Variants in NFIA observed in about 807,000 individuals in gnomAD.
The protein encoded by NFIA is nuclear factor 1 A-type.
A neutral mutation model predicts 62.8 loss-of-function variants in NFIA; 8 were observed. The observed-to-expected ratio is 0.13, with a 90% CI of 0.07 to 0.23. The LOEUF is 0.23. Ranked by LOEUF, NFIA falls within the 10% of genes least tolerant of loss-of-function variation. The pLI is 1.00. For synonymous variants in NFIA, 235 were observed against 238.1 expected (o/e 0.99, Z 0.12); for missense variants, 410 against 642.1 (o/e 0.64, Z 3.91).
intron 2 of NFIA, among the ~76,000 whole-genome samples, chr1:61,120,967 G>A (rs190341413): frequency 1.3e-5 from 2 of 152,286 alleles, no homozygotes; most frequent in East Asian, 3.9e-4. Flanking sequence ...GTATCTGTTA[G>A]CCATAATATC....
intron 6 of NFIA, among the ~76,000 whole-genome samples, chr1:61,375,771 A>G (rs1445967809): frequency 6.6e-6 from 1 of 152,156 alleles, no homozygotes; most frequent in Non-Finnish European, 1.5e-5. Flanking sequence ...TCCCACCTTC[A>G]GAAAGCTATC....
At position 61,316,034 on chromosome 1, in the gene NFIA, C is replaced by A. The variant is rs114061513; in HGVS notation, c.626-16478C>A. 3.4e-3 allele frequency among the ~76,000 whole-genome samples: 525 copies of A among 152,284 alleles called. 5 individuals carry two copies. The highest frequency in any genetic ancestry group is 0.012 in the African/African-American group (484 of 41,556). On this transcript the variant is annotated intron_variant, in intron 3 of 10. Transcript: ENST00000403491. Reference sequence around the variant, plus strand: ...CAGGGAGGCTTGGCCAATGTACTCTCTCGTCCACATACGGACTGATAAGCC... The same window carrying A: ...CAGGGAGGCTTGGCCAATGTACTCTATCGTCCACATACGGACTGATAAGCC...
At chr1:61,147,022 C>G (rs1388468792) in intron 2 of NFIA, among the ~76,000 whole-genome samples, 1 of 152,106 alleles carries the variant, frequency 6.6e-6, no homozygotes, top group Admixed American at 6.5e-5. Context: ...ACGGATGGCT[C>G]TTTTCAGTTG....
In NFIA at chr1:61,088,136, T is replaced by C. The variant is rs1270252200; in HGVS notation, c.28-13T>C. On this transcript the variant is annotated splice_polypyrimidine_tract_variant and intron_variant, in intron 1 of 10. Coordinates refer to ENST00000403491, the MANE Select transcript of NFIA (RefSeq NM_001134673.4). This position sits in a 1 kb window ranked among gnomAD's most constrained non-coding sequence, Gnocchi z 4.5. ...CATTCTACTTATATTTTTCTTTTTGTTCATTTTCCTAGGATGAATTTCATC... is the reference window on the plus strand; with the variant it reads ...CATTCTACTTATATTTTTCTTTTTGCTCATTTTCCTAGGATGAATTTCATC... 6.4e-7 allele frequency: 1 copy of C among 1,569,780 alleles called. No individual in the cohort carries two copies. Among genetic ancestry groups the C allele is most frequent in the Non-Finnish European group, 8.6e-7 (1 of 1,162,470 alleles).
intron 3 of NFIA, among the ~76,000 whole-genome samples, chr1:61,306,021 T>G (rs1480035718): frequency 6.7e-6 from 1 of 150,018 alleles, no homozygotes; most frequent in African/African-American, 2.4e-5. Context: ...CTAATTTTTG[T>G]TGTATTTTTT....
Position 61,438,144 on chromosome 1 carries a change from C to G in NFIA, c.1512+11588C>G, listed in dbSNP as rs1018898125. 4.6e-5 allele frequency among the ~76,000 whole-genome samples: 7 copies of G among 152,230 alleles called. No homozygotes were observed. In the Middle Eastern group the frequency reaches 0.024, roughly 518 times the overall value. Reference sequence around the variant, plus strand: ...CATAATGTAGTGGAAAAAATAGAAGCTTTGGAGGGAGACAGACCTGAGTTT... The same window carrying G: ...CATAATGTAGTGGAAAAAATAGAAGGTTTGGAGGGAGACAGACCTGAGTTT... On this transcript the variant is annotated intron_variant, in intron 10 of 10. Coordinates refer to ENST00000403491, the MANE Select transcript of NFIA (RefSeq NM_001134673.4).
rs199893913 is a variant in NFIA at position 61,410,580 on chromosome 1, GAT to G, written c.1420+3854_1420+3855del. ...CAGCCTTTTCTATTTAGGAGTTTGA[GAT>G]GACTTGCAATAAAATACAATTCTAA... is the stretch of plus-strand genomic sequence containing the variant. On this transcript the variant is annotated intron_variant, in intron 9 of 10. Transcript: ENST00000403491. Among the ~76,000 whole-genome samples the G allele has an allele frequency of 4.3e-3, 661 of 152,236 alleles. 7 individuals are homozygous for G. Among genetic ancestry groups the G allele is most frequent in the African/African-American group, 0.015 (631 of 41,518 alleles).
chr1:61,389,113 C>T (rs1664842145), intron 7 of NFIA, among the ~76,000 whole-genome samples: 1 of 151,986 alleles, frequency 6.6e-6, no homozygotes, highest in Non-Finnish European at 1.5e-5. Context: ...CTCAAAACAA[C>T]AACAACAAAA....
At chr1:61,380,676 C>CACAAACTCTTT (rs1664370973) in intron 6 of NFIA, among the ~76,000 whole-genome samples, 4 of 152,024 alleles carry the variant, frequency 2.6e-5, no homozygotes, top group Non-Finnish European at 4.4e-5. Flanking sequence ...GTGCTCAATA[C>CACAAACTCTTT]GAACTCTTTA....
rs921160220 is a variant in NFIA at position 61,208,093 on chromosome 1, G to C, written c.560-69427G>C. On this transcript the variant is annotated intron_variant, in intron 2 of 10. Transcript: ENST00000403491. Reference sequence around the variant, plus strand: ...GAACTCCCAGTAGACCTGTGGTGTTGCAGGAGCAGGTCAAGTGCTTTCTTT... The same window carrying C: ...GAACTCCCAGTAGACCTGTGGTGTTCCAGGAGCAGGTCAAGTGCTTTCTTT... Among the ~76,000 whole-genome samples, 4 of 150,294 alleles carry C rather than the reference G, an allele frequency of 2.7e-5. No homozygotes were observed. The Admixed American group carries it at 2.7e-4, about 10-fold the overall frequency.
chr1:61,373,270 A>G lies in NFIA; in HGVS notation c.947-9967A>G, dbSNP rs115775368. ...ATGAAAAAGCAAATGCTTTGCCATA[A>G]TAAGATTTAGCAAGAAAATGCTGAC... is the stretch of plus-strand genomic sequence containing the variant. On this transcript the variant is annotated intron_variant, in intron 6 of 10. Coordinates refer to ENST00000403491, the MANE Select transcript of NFIA (RefSeq NM_001134673.4). Among the ~76,000 whole-genome samples the G allele has an allele frequency of 2.2e-3, 339 of 152,310 alleles. 4 individuals carry two copies. The highest frequency in any genetic ancestry group is 8.1e-3 in the African/African-American group (335 of 41,580).
chr1:61,218,554 A>G (rs1483590205), intron 2 of NFIA, among the ~76,000 whole-genome samples: 3 of 152,212 alleles, frequency 2.0e-5, no homozygotes, highest in African/African-American at 7.2e-5. Context: ...CATACATTCT[A>G]GGAAAAAGAA....
intron 2 of NFIA, chr1:61,124,884 A>T (rs1167731714): frequency 6.6e-6 from 1 of 152,122 alleles, no homozygotes; most frequent in African/African-American, 2.4e-5. Context: ...GAGGGAATCC[A>T]GGTGGCCATG....
chr1:61,451,821 G>A (rs1467696648), intron 10 of NFIA, among the ~76,000 whole-genome samples: 1 of 152,156 alleles, frequency 6.6e-6, no homozygotes, highest in Non-Finnish European at 1.5e-5. Flanking sequence ...GGATACAGTA[G>A]GGTAGATTAA....
chr1:61,229,206 G>A (rs1046642824), intron 2 of NFIA, among the ~76,000 whole-genome samples: 3 of 151,042 alleles, frequency 2.0e-5, no homozygotes, highest in Non-Finnish European at 4.4e-5. Flanking sequence ...AAATCAACTT[G>A]ACCATTTTAT....
Position 61,309,367 on chromosome 1 carries a change from G to A in NFIA, c.626-23145G>A, listed in dbSNP as rs908679319. Among the ~76,000 whole-genome samples, 4 of 152,026 alleles carry A rather than the reference G, an allele frequency of 2.6e-5. No homozygotes were observed. The East Asian group carries it at 7.7e-4, about 29-fold the overall frequency. Reference sequence around the variant, plus strand: ...CCACACACTTTCCAAAAAAGCCCCCGATCCACAAATGTATGCATGATTTTT... The same window carrying A: ...CCACACACTTTCCAAAAAAGCCCCCAATCCACAAATGTATGCATGATTTTT... On this transcript the variant is annotated intron_variant, in intron 3 of 10. Transcript: ENST00000403491.
At chr1:61,423,308 A>G (rs940132993) in intron 9 of NFIA, among the ~76,000 whole-genome samples, 1 of 151,844 alleles carries the variant, frequency 6.6e-6, no homozygotes, top group African/African-American at 2.4e-5. Flanking sequence ...TTGATTTCTA[A>G]TAGTCATGTT....
intron 2 of NFIA, among the ~76,000 whole-genome samples, chr1:61,205,202 G>A (rs1337961388): frequency 6.6e-6 from 1 of 152,166 alleles, no homozygotes; most frequent in Non-Finnish European, 1.5e-5. Flanking sequence ...TTATAGAAAT[G>A]CGTTTTGAAC....
At chr1:61,341,658 T>C (rs1297861056) in intron 4 of NFIA, among the ~76,000 whole-genome samples, 2 of 152,208 alleles carry the variant, frequency 1.3e-5, no homozygotes, top group Non-Finnish European at 2.9e-5. Context: ...TTGCATTTTT[T>C]GCAGAAGTAG....
Sources: gnomAD v4.1 joint callset for allele counts (sites outside exome capture counted in the v4.1 genomes callset) on GRCh38, gnomAD v4.1.1 for gene constraint, Gnocchi (gnomAD v3.1) non-coding constraint, MANE v1.5 for transcripts, NCBI Gene and HGNC (gene_info 2026-07-23, HGNC 2026-07-21) for gene names.